The following IL31RA variants were observed in gnomAD, a reference collection of about 807,000 sequenced individuals.
IL31RA encodes the protein interleukin 31 receptor A, also known as interleukin-31 receptor subunit alpha.
A neutral mutation model predicts 83.7 loss-of-function variants in IL31RA; 66 were observed. That is an observed-to-expected ratio of 0.79 (90% CI 0.65 to 0.97). The LOEUF is 0.97. Among genes scored for constraint, IL31RA ranks in the 50% least tolerant of loss-of-function variants. The probability of loss-of-function intolerance (pLI) is 0.00; values close to 1 mark genes in which losing one functional copy is unlikely to be tolerated. For missense variants in IL31RA, 798 were observed against 919.4 expected, an observed-to-expected ratio of 0.87 and a Z score of 1.71; for synonymous variants, 325 against 329.0, an observed-to-expected ratio of 0.99 and a Z score of 0.13.
rs34217814 is a variant in IL31RA at position 55,881,716 on chromosome 5, A to ATTTTTT, written c.455-1304_455-1299dup. On this transcript the variant is annotated intron_variant, in intron 4 of 14. Transcript: ENST00000652347. Reference sequence around the variant, plus strand: ...TGAGCCCACTCGCCCAGTTCCTGAGATTTTTTTTTTTTTTTTTTTTTTTTT... The same window carrying ATTTTTT: ...TGAGCCCACTCGCCCAGTTCCTGAGATTTTTTTTTTTTTTTTTTTTTTTTTTTTTTT... Among the ~76,000 whole-genome samples the ATTTTTT allele has an allele frequency of 4.2e-4, 25 of 59,650 alleles. 7 individuals carry two copies. The highest frequency in any genetic ancestry group is 1.4e-3 in the African/African-American group (19 of 13,666). 39.1% of individuals were successfully genotyped at this position (59,650 alleles called of 152,430 possible).
At chr5:55,890,346 T>C (rs559587042) in intron 6 of IL31RA, among the ~76,000 whole-genome samples, 9 of 152,288 alleles carry the variant, frequency 5.9e-5, no homozygotes, top group African/African-American at 2.2e-4. Flanking sequence ...ATACTATACA[T>C]GAAAGGGTAT....
At position 55,919,909 on chromosome 5, in the gene IL31RA, A is replaced by G. The variant is rs865867359; in HGVS notation, c.*2789A>G. On this transcript the variant is annotated 3_prime_UTR_variant, in exon 15 of 15. Transcript: ENST00000652347. ...ATCTGTGTTTTCCCTGTTTACTGTCAGAGACATTGTGAGGACACAAACAGG... is the reference window on the plus strand; with the variant it reads ...ATCTGTGTTTTCCCTGTTTACTGTCGGAGACATTGTGAGGACACAAACAGG... 2.0e-5 allele frequency among the ~76,000 whole-genome samples: 3 copies of G among 152,214 alleles called. No individual in the cohort carries two copies. The highest frequency in any genetic ancestry group is 2.9e-5 in the Non-Finnish European group (2 of 68,036).
intron 3 of IL31RA, 40 bp downstream of exon 3, chr5:55,868,948 G>T (rs764252077): frequency 6.7e-6 from 7 of 1,049,394 alleles, no homozygotes; most frequent in Non-Finnish European, 1.0e-5. Context: ...CAGGGCATGG[G>T]GGAGGCAGAG....
the IL31RA span, among the ~76,000 whole-genome samples, chr5:55,840,246 C>T: frequency 6.6e-6 from 1 of 152,120 alleles, no homozygotes; most frequent in East Asian, 1.9e-4. Flanking sequence ...TGAAATTGGC[C>T]ATAGTGGAAG....
At chr5:55,856,836 A>G (rs1321359249) in intron 1 of IL31RA, among the ~76,000 whole-genome samples, 1 of 152,200 alleles carries the variant, frequency 6.6e-6, no homozygotes, top group African/African-American at 2.4e-5. Context: ...TCAATATTTT[A>G]CATTCTAAGG....
In IL31RA at chr5:55,918,838, G is replaced by A. The variant is rs1580754844; in HGVS notation, c.*1718G>A. On this transcript the variant is annotated 3_prime_UTR_variant, in exon 15 of 15. Transcript: ENST00000652347. Reference sequence around the variant, plus strand: ...CCAGGACTCAGTACTCCTGGTTTACGGAACAGTGACTTCTGGTACACCAAG... The same window carrying A: ...CCAGGACTCAGTACTCCTGGTTTACAGAACAGTGACTTCTGGTACACCAAG... 1.3e-5 allele frequency among the ~76,000 whole-genome samples: 2 copies of A among 152,088 alleles called. No homozygotes were observed. Among genetic ancestry groups the A allele is most frequent in the South Asian group, 2.1e-4 (1 of 4,816 alleles).
At chr5:55,886,392 G>T (rs528764840) in intron 5 of IL31RA, among the ~76,000 whole-genome samples, 4 of 149,618 alleles carry the variant, frequency 2.7e-5, no homozygotes, top group Non-Finnish European at 5.9e-5. Context: ...TCCTGCCTCA[G>T]CCTCCCAAGT....
chr5:55,856,935 C>G (rs1212081550), intron 1 of IL31RA, among the ~76,000 whole-genome samples: 1 of 152,052 alleles, frequency 6.6e-6, no homozygotes, highest in Non-Finnish European at 1.5e-5. Flanking sequence ...GAAGGTTTTC[C>G]AAATCCAACT....
At position 55,921,163 on chromosome 5, in the gene IL31RA, T is replaced by C. The variant is rs1327257986; in HGVS notation, c.*4043T>C. 1.3e-5 allele frequency among the ~76,000 whole-genome samples: 2 copies of C among 152,224 alleles called. No individual in the cohort carries two copies. Among genetic ancestry groups the C allele is most frequent in the Admixed American group, 6.5e-5 (1 of 15,272 alleles). On this transcript the variant is annotated 3_prime_UTR_variant, in exon 15 of 15. Transcript: ENST00000652347. ...TCTAGGTGTCCCCTCTTTTTTCTAA[T>C]TTAAAATTTGTTTTAAATTCAACTT...
intron 1 of IL31RA, among the ~76,000 whole-genome samples, chr5:55,858,746 T>A (rs1346279002): frequency 6.6e-6 from 1 of 152,178 alleles, no homozygotes; most frequent in African/African-American, 2.4e-5. Flanking sequence ...TCATCTTAGA[T>A]GAGATGAAGA....
intron 4 of IL31RA, among the ~76,000 whole-genome samples, chr5:55,875,967 G>A (rs1471222743): frequency 6.6e-6 from 1 of 151,950 alleles, no homozygotes; most frequent in Non-Finnish European, 1.5e-5. Flanking sequence ...TTTAATGAAA[G>A]CATTTAATAT....
chr5:55,919,567 C>T lies in IL31RA; in HGVS notation c.*2447C>T, dbSNP rs1260046982. Among the ~76,000 whole-genome samples, 1 of 152,242 alleles carries T rather than the reference C, an allele frequency of 6.6e-6. No individual in the cohort carries two copies. The highest frequency in any genetic ancestry group is 2.4e-5 in the African/African-American group (1 of 41,468). On this transcript the variant is annotated 3_prime_UTR_variant, in exon 15 of 15. Coordinates refer to ENST00000652347, the MANE Select transcript of IL31RA (RefSeq NM_139017.7). ...GTTTTCCCCCACTGCCAGAGCTTCT[C>T]ATCTTTTAACACTTGCTATTGTTTT...
the IL31RA span, among the ~76,000 whole-genome samples, chr5:55,840,799 G>A: frequency 6.6e-6 from 1 of 152,146 alleles, no homozygotes. Context: ...AAAATTAAAT[G>A]CTTGCCCTGA....
chr5:55,892,461 T>C (rs1205117205), intron 6 of IL31RA, among the ~76,000 whole-genome samples: 1 of 152,252 alleles, frequency 6.6e-6, no homozygotes, highest in African/African-American at 2.4e-5. Flanking sequence ...GTTTCCAGTA[T>C]TAACACTAGT....
intron 7 of IL31RA, among the ~76,000 whole-genome samples, chr5:55,897,955 T>G (rs539000205): frequency 1.3e-5 from 2 of 152,294 alleles, no homozygotes; most frequent in South Asian, 4.1e-4. Context: ...ACATTCCAAT[T>G]ACCTCAGGGT....
intron 1 of IL31RA, among the ~76,000 whole-genome samples, chr5:55,856,374 C>G (rs1745365686): frequency 6.6e-6 from 1 of 152,174 alleles, no homozygotes; most frequent in Non-Finnish European, 1.5e-5. Flanking sequence ...GAAATGACCC[C>G]TTTTTGAAGA....
chr5:55,859,503 T>G lies in IL31RA; in HGVS notation c.64-6T>G. On this transcript the variant is annotated splice_polypyrimidine_tract_variant and splice_region_variant and intron_variant, in intron 1 of 14. Transcript: ENST00000652347. ...CAAACCAACTCTTGACTGATGTCATTTTCAGCTCTCTCCCCAGCCTTCATG... is the reference window on the plus strand; with the variant it reads ...CAAACCAACTCTTGACTGATGTCATGTTCAGCTCTCTCCCCAGCCTTCATG... 6.2e-7 allele frequency: 1 copy of G among 1,611,612 alleles called. No individual in the cohort carries two copies. Among genetic ancestry groups the G allele is most frequent in the South Asian group, 1.1e-5 (1 of 91,028 alleles).
In IL31RA at chr5:55,896,423, A is replaced by G. The variant is rs1200135120; in HGVS notation, c.846A>G (p.Leu282=). ...EADGRRPVRL[L]WKKARGAPVL... ...ATGGAAGAAGGCCAGTGCGGTTGTT[A>G]TGGAAGGTGACCTCCCTCTGGATTC... Residue 282 remains leucine (L), a synonymous_variant, in exon 7 of 15, where the codon TTA becomes TTG. Coordinates refer to ENST00000652347, the MANE Select transcript of IL31RA (RefSeq NM_139017.7). The G allele has an allele frequency of 6.2e-6, 10 of 1,610,388 alleles. No individual in the cohort carries two copies. The highest frequency in any genetic ancestry group is 7.6e-6 in the Non-Finnish European group (9 of 1,176,842).
chr5:55,916,562 C>A, intron 14 of IL31RA, 82 bp from the exon 15 acceptor site: 1 of 1,188,356 alleles, frequency 8.4e-7, no homozygotes, highest in Non-Finnish European at 1.3e-6. Context: ...TGGGCATTTG[C>A]TGTCCCAAGC....
Sources: gnomAD v4.1 joint callset for allele counts (sites outside exome capture counted in the v4.1 genomes callset) on GRCh38, gnomAD v4.1.1 for gene constraint, MANE v1.5 for transcripts, NCBI Gene and HGNC (gene_info 2026-07-23, HGNC 2026-07-21) for gene names.